Variants in SYNE2 observed in about 807,000 individuals in gnomAD.
The protein encoded by SYNE2 is nesprin-2.
Under a neutral mutation model 856.3 loss-of-function variants are expected in SYNE2, and 431 were observed. The observed-to-expected ratio is 0.50, with a 90% confidence interval of 0.47 to 0.55. SYNE2 has a LOEUF of 0.55. Among genes scored for constraint, SYNE2 ranks in the 20% least tolerant of loss-of-function variants. The pLI is 0.00. For synonymous variants in SYNE2, 2,923 were observed against 2,872.3 expected (o/e 1.02, Z -0.56); for missense variants, 8,129 against 8,023.2 (o/e 1.01, Z -0.50).
At chr14:63,961,136 C>G (rs2096308231) in intron 8 of SYNE2, among the ~76,000 whole-genome samples, 1 of 152,194 alleles carries the variant, frequency 6.6e-6, no homozygotes, top group Non-Finnish European at 1.5e-5. Context: ...GGAATGCATT[C>G]TAATTGCTGT....
chr14:63,940,085 T>TTTC (rs1205344032), intron 2 of SYNE2, among the ~76,000 whole-genome samples: 1 of 151,248 alleles, frequency 6.6e-6, no homozygotes, highest in Non-Finnish European at 1.5e-5. Flanking sequence ...TTTTTTTTTT[T>TTTC]TTTCTTTCAT....
chr14:64,187,299 T>A (rs1410703122), intron 97 of SYNE2, among the ~76,000 whole-genome samples: 4 of 152,222 alleles, frequency 2.6e-5, no homozygotes, highest in Non-Finnish European at 5.9e-5. Context: ...AAAGTTGAAA[T>A]TCAGACACGT....
At chr14:63,958,530 G>T (rs1566910199) in intron 8 of SYNE2, among the ~76,000 whole-genome samples, 2 of 152,146 alleles carry the variant, frequency 1.3e-5, no homozygotes, top group South Asian at 4.1e-4. Context: ...CCTTTCAAGG[G>T]TATATATTGT....
In SYNE2 at chr14:63,989,297, C is replaced by T. The variant is rs117428836; in HGVS notation, c.2314-1114C>T. Among the ~76,000 whole-genome samples the T allele has an allele frequency of 1.1e-3, 165 of 152,246 alleles. 3 individuals carry two copies. In the East Asian group the frequency reaches 0.015, roughly 14 times the overall value. Reference sequence around the variant, plus strand: ...CATGTCTATCCCTACTCTTAGGCTTCGAAAGACCCTCTGCAGCGAGATAGC... The same window carrying T: ...CATGTCTATCCCTACTCTTAGGCTTTGAAAGACCCTCTGCAGCGAGATAGC... On this transcript the variant is annotated intron_variant, in intron 19 of 115. Coordinates refer to ENST00000555002, the MANE Select transcript of SYNE2 (RefSeq NM_182914.3).
chr14:63,913,466 C>CTTGCTTT (rs2095497225), intron 2 of SYNE2, among the ~76,000 whole-genome samples: 1 of 139,600 alleles, frequency 7.2e-6, no homozygotes, highest in Admixed American at 7.2e-5. Context: ...TTCTTTCTTT[C>CTTGCTTT]TTTTTTTTTT....
chr14:63,894,778 T>A (rs1000904), intron 1 of SYNE2, among the ~76,000 whole-genome samples: 94,812 of 152,040 alleles, frequency 0.62, 29,741 homozygotes, highest in South Asian at 0.71. Context: ...CTACGTTCTC[T>A]CTCTCCATTA....
At position 64,179,076 on chromosome 14, in the gene SYNE2, A is replaced by C. The variant is rs534457460; in HGVS notation, c.17556+1593A>C. On this transcript the variant is annotated intron_variant, in intron 96 of 115. Coordinates refer to ENST00000555002, the MANE Select transcript of SYNE2 (RefSeq NM_182914.3). ...TAGATGACAGAGTAAGACTGTCTCT[A>C]AAAAGTAAACAAAATACATAAATTT... Among the ~76,000 whole-genome samples, 16 of 152,318 alleles carry C rather than the reference A, an allele frequency of 1.1e-4. No homozygotes were observed. In the South Asian group the frequency reaches 1.7e-3, roughly 16 times the overall value.
rs10134809 is a variant in SYNE2, at chr14:64,117,489, G to A, written c.12841-1938G>A. On this transcript the variant is annotated intron_variant, in intron 66 of 115. Transcript: ENST00000555002. ...TAATTTTATTTTTTGTAGACTCAGGGTCTCACTGTGTTGCCCAGGCTGGTC... is the reference window on the plus strand; with the variant it reads ...TAATTTTATTTTTTGTAGACTCAGGATCTCACTGTGTTGCCCAGGCTGGTC... 5.8e-3 allele frequency among the ~76,000 whole-genome samples: 885 copies of A among 152,018 alleles called. 9 individuals carry two copies. Among genetic ancestry groups the A allele is most frequent in the African/African-American group, 0.02 (849 of 41,464 alleles).
At chr14:64,185,380 T>C (rs2098483437) in intron 96 of SYNE2, among the ~76,000 whole-genome samples, 1 of 152,164 alleles carries the variant, frequency 6.6e-6, no homozygotes, top group African/African-American at 2.4e-5. Flanking sequence ...ACAATAAAAA[T>C]CTGGTAGACT....
rs750998654 is a variant in SYNE2 at position 63,978,878 on chromosome 14, T to G, written c.1433T>G (p.Phe478Cys). The change falls in exon 14 of 116, where the codon TTT becomes TGT. Residue 478 changes from phenylalanine (F) to cysteine (C), a missense_variant. Physicochemically the swap from Phe to Cys is radical, Grantham distance 205. This residue lies in a region of SYNE2 where 2,422 missense variants were observed against 2,357.4 expected (regional missense o/e 1.03). Coordinates refer to ENST00000555002, the MANE Select transcript of SYNE2 (RefSeq NM_182914.3). ...ATCAACAACATTTTGGAGAAAAAATTTATTCTACTTCTAGAATTTCATTAC... is the reference window on the plus strand; with the variant it reads ...ATCAACAACATTTTGGAGAAAAAATGTATTCTACTTCTAGAATTTCATTAC... ...RRINNILEKKFILLLEFHYYK... is the reference protein window; with the variant it reads ...RRINNILEKKCILLLEFHYYK... The G allele has an allele frequency of 1.9e-6, 3 of 1,613,280 alleles. No homozygotes were observed. The highest frequency in any genetic ancestry group is 2.7e-5 in the African/African-American group (2 of 75,058).
chr14:64,130,380 AT>A, intron 76 of SYNE2, 132 bp downstream of exon 76: 1 of 860,466 alleles, frequency 1.2e-6, no homozygotes, highest in Non-Finnish European at 1.9e-6. Context: ...ATAAACATCT[AT>A]TAGAATGCTT....
chr14:64,057,956 A>G (rs2097286667), intron 49 of SYNE2, among the ~76,000 whole-genome samples: 1 of 152,026 alleles, frequency 6.6e-6, no homozygotes. Context: ...CCCATTTTTA[A>G]TTGGATTATT....
chr14:64,075,696 T>C, intron 53 of SYNE2: 1 of 459,564 alleles, frequency 2.2e-6, no homozygotes, highest in African/African-American at 2.0e-5. Context: ...GGGGGTGTTG[T>C]AATGTCTTTT....
chr14:64,168,023 C>T (rs1050146749), intron 92 of SYNE2, among the ~76,000 whole-genome samples: 3 of 152,100 alleles, frequency 2.0e-5, no homozygotes, highest in East Asian at 1.9e-4. Context: ...ATAACTGTAG[C>T]GTTAATAATT....
Position 64,221,566 on chromosome 14 carries a change from G to A in SYNE2, c.20062-10G>A. Reference sequence around the variant, plus strand: ...AGACACGGCCGCGCTCTGATGTGTTGTTTTTTAAGGACTTCCACCAGTTGA... The same window carrying A: ...AGACACGGCCGCGCTCTGATGTGTTATTTTTTAAGGACTTCCACCAGTTGA... On this transcript the variant is annotated splice_polypyrimidine_tract_variant and intron_variant, in intron 111 of 115. Transcript: ENST00000555002. 6.2e-7 allele frequency: 1 copy of A among 1,614,186 alleles called. No individual in the cohort carries two copies. The highest frequency in any genetic ancestry group is 8.5e-7 in the Non-Finnish European group (1 of 1,180,036).
chr14:63,856,451 T>C (rs1011632954), intron 1 of SYNE2, among the ~76,000 whole-genome samples: 2 of 152,160 alleles, frequency 1.3e-5, no homozygotes, highest in Non-Finnish European at 2.9e-5. Context: ...AGACAAGCTA[T>C]TGCAGTATAC....
intron 78 of SYNE2, among the ~76,000 whole-genome samples, chr14:64,135,569 C>G (rs981673817): frequency 1.2e-4 from 19 of 152,112 alleles, no homozygotes; most frequent in Admixed American, 9.8e-4. Context: ...ATCTAAACAG[C>G]TGAAAGAATG....
At chr14:63,985,261 C>T (rs1255903) in intron 18 of SYNE2, among the ~76,000 whole-genome samples, 45,161 of 144,878 alleles carry the variant, frequency 0.31, 7,045 homozygotes, top group Middle Eastern at 0.38. Context: ...ACCCGGGAGG[C>T]GGAGGTTGCC....
intron 6 of SYNE2, among the ~76,000 whole-genome samples, chr14:63,946,881 G>A (rs887665419): frequency 6.6e-6 from 1 of 151,274 alleles, no homozygotes; most frequent in Non-Finnish European, 1.5e-5. Context: ...ACAGAATCCT[G>A]CTCTGTTGCC....
Sources: allele counts gnomAD v4.1 joint callset (sites outside exome capture counted in the v4.1 genomes callset), GRCh38; gene constraint gnomAD v4.1.1; regional missense constraint gnomAD v4.1.1; transcripts MANE v1.5; gene names NCBI Gene and HGNC (gene_info 2026-07-23, HGNC 2026-07-21).